MYLK3: variants seen among roughly 807,000 people sequenced by gnomAD.
MYLK3 encodes MLC kinase.
In MYLK3, 55 loss-of-function variants were observed where a neutral mutation model predicts 76.3. The ratio of observed to expected loss-of-function variants is 0.72; its 90% confidence interval spans 0.58 to 0.90. The LOEUF is 0.90. MYLK3 is among the 40% of genes least tolerant of loss of function. MYLK3 has a pLI of 0.00. For synonymous variants in MYLK3, 416 were observed against 425.4 expected (o/e 0.98, Z 0.27); for missense variants, 973 against 1,053.6 (o/e 0.92, Z 1.06).
intron 8 of MYLK3, among the ~76,000 whole-genome samples, chr16:46,723,721 C>A (rs1428463098): frequency 6.7e-6 from 1 of 150,264 alleles, no homozygotes; most frequent in African/African-American, 2.5e-5. Flanking sequence ...CCTGATTCCG[C>A]TCACCGCAAC....
At chr16:46,716,846 A>T (rs1966745498) in intron 9 of MYLK3, among the ~76,000 whole-genome samples, 2 of 151,986 alleles carry the variant, frequency 1.3e-5, no homozygotes, top group African/African-American at 4.8e-5. Flanking sequence ...CCTCCATAAA[A>T]CCCCAAGAGG....
chr16:46,737,552 T>C (rs909117242), intron 3 of MYLK3, among the ~76,000 whole-genome samples, 159 bp downstream of exon 3: 1 of 152,212 alleles, frequency 6.6e-6, no homozygotes, highest in Non-Finnish European at 1.5e-5. Context: ...TGAGCACTGG[T>C]ACTCTAAGCT....
At chr16:46,709,385 A>G (rs1966659025) in intron 12 of MYLK3, among the ~76,000 whole-genome samples, 154 bp downstream of exon 12, 1 of 151,756 alleles carries the variant, frequency 6.6e-6, no homozygotes, top group Non-Finnish European at 1.5e-5. Context: ...TCATGCCACT[A>G]TACTCCAGCC....
At chr16:46,743,523 C>T (rs1367672956) in intron 1 of MYLK3, among the ~76,000 whole-genome samples, 2 of 152,150 alleles carry the variant, frequency 1.3e-5, no homozygotes, top group African/African-American at 2.4e-5. Context: ...AATCAGCAGC[C>T]GACAGCCTGA....
At chr16:46,744,364 T>G (rs36468) in intron 1 of MYLK3, among the ~76,000 whole-genome samples, 34 of 109,538 alleles carry the variant, frequency 3.1e-4, no homozygotes, top group African/African-American at 4.3e-4. Flanking sequence ...TTTAAGATGG[T>G]GTTTTTGCTC....
At chr16:46,744,330 C>CTTTTT (rs71158891) in intron 1 of MYLK3, among the ~76,000 whole-genome samples, 2 of 43,698 alleles carry the variant, frequency 4.6e-5, no homozygotes, top group Non-Finnish European at 3.7e-5. Context: ...CCACACCCAG[C>CTTTTT]TTTTTTTTTT....
At chr16:46,724,181 T>C (rs1966827485) in intron 8 of MYLK3, among the ~76,000 whole-genome samples, 2 of 152,220 alleles carry the variant, frequency 1.3e-5, no homozygotes, top group Non-Finnish European at 2.9e-5. Context: ...TATAAGAGTT[T>C]GTTATATGTT....
At position 46,732,422 on chromosome 16, in the gene MYLK3, C is replaced by T. The variant is rs1417776794; in HGVS notation, c.1248G>A (p.Glu416=). 2 of 1,613,450 alleles carry T rather than the reference C, an allele frequency of 1.2e-6. No homozygotes were observed. The highest frequency in any genetic ancestry group is 1.7e-6 in the Non-Finnish European group (2 of 1,180,028). ...CAGGCTCGGCCCCAGCCCTTTGCTC[C>T]TCCTCTGCCTTCACTCCCCCGGGGC... is the stretch of plus-strand genomic sequence containing the variant. ...SSSPGGVKAE[E]EQRAGAEPGT... Residue 416 remains glutamate, a synonymous_variant, in exon 4 of 13, where the codon GAG becomes GAA. Transcript: ENST00000394809.
chr16:46,713,725 G>T (rs547733619), intron 9 of MYLK3, among the ~76,000 whole-genome samples: 1 of 152,246 alleles, frequency 6.6e-6, no homozygotes, highest in South Asian at 2.1e-4. Context: ...TTTGGCAGAC[G>T]TCTCCCCAGT....
At chr16:46,716,982 T>C (rs1966747017) in intron 9 of MYLK3, among the ~76,000 whole-genome samples, 1 of 152,204 alleles carries the variant, frequency 6.6e-6, no homozygotes, top group Non-Finnish European at 1.5e-5. Context: ...TCTTCACCTG[T>C]ATTCTTTGTA....
chr16:46,738,288 T>C lies in MYLK3; in HGVS notation c.569-145A>G, dbSNP rs1187064659. 3 of 703,496 alleles carry C rather than the reference T, an allele frequency of 4.3e-6. No homozygotes were observed. The Admixed American group carries it at 9.0e-5, about 21-fold the overall frequency. The allele number at this position is 703,496 out of a possible 1,614,324, so 43.6% of individuals were successfully genotyped here. A position where few individuals can be genotyped will look rare whatever the true frequency, so the allele number is the denominator to read the frequency against. On this transcript the variant is annotated intron_variant, in intron 2 of 12. Transcript: ENST00000394809. ...AAGCAACCCAAATGAAAGGGGCTGG[T>C]TGACTAAACCATGATGCATCCAACA... is the stretch of plus-strand genomic sequence containing the variant.
chr16:46,718,147 A>C (rs1966763480), intron 9 of MYLK3, among the ~76,000 whole-genome samples: 1 of 152,140 alleles, frequency 6.6e-6, no homozygotes, highest in African/African-American at 2.4e-5. Context: ...GCATAGGGGG[A>C]CTAGGCAATT....
chr16:46,721,283 T>G (rs1463228993), intron 8 of MYLK3, 90 bp from the exon 9 acceptor site: 8 of 1,253,930 alleles, frequency 6.4e-6, no homozygotes, highest in African/African-American at 1.5e-5. Context: ...TTTTCCAGCC[T>G]TCAAGGGACA....
intron 8 of MYLK3, chr16:46,726,507 G>A (rs925594642): frequency 6.6e-6 from 1 of 151,706 alleles, no homozygotes; most frequent in Non-Finnish European, 1.5e-5. Flanking sequence ...CCAGGCTGCA[G>A]TGAGATATGA....
intron 8 of MYLK3, 30 bp downstream of exon 8, chr16:46,727,206 C>T (rs1182706112): frequency 1.2e-6 from 2 of 1,605,106 alleles, no homozygotes; most frequent in East Asian, 4.5e-5. Context: ...ACACCAGGGG[C>T]CCCTACCGCA....
intron 9 of MYLK3, among the ~76,000 whole-genome samples, chr16:46,716,360 C>CAT (rs996063418): frequency 1.3e-4 from 19 of 149,288 alleles, no homozygotes; most frequent in East Asian, 7.9e-4. Context: ...ATATAGCCCG[C>CAT]ATATATATAT....
In MYLK3 at chr16:46,732,651, T is replaced by C; in HGVS notation, c.1019A>G (p.Gln340Arg). 1 of 1,523,080 alleles carries C rather than the reference T, an allele frequency of 6.6e-7. No homozygotes were observed. The highest frequency in any genetic ancestry group is 8.8e-7 in the Non-Finnish European group (1 of 1,142,212). 94.3% of individuals were successfully genotyped at this position (1,523,080 alleles called of 1,614,324 possible). A position where few individuals can be genotyped will look rare whatever the true frequency, so the allele number is the denominator to read the frequency against. Residue 340 changes from glutamine to arginine, a missense_variant, in exon 4 of 13, where the codon CAA (glutamine) becomes CGA (arginine). By Grantham distance (43) the Gln-to-Arg change is conservative. Transcript: ENST00000394809. Reference sequence around the variant, plus strand: ...CATCTCCCCAGGAGTATCCATCTCTTGTATGTGGATGGAGATCCTGGGGTG... The same window carrying C: ...CATCTCCCCAGGAGTATCCATCTCTCGTATGTGGATGGAGATCCTGGGGTG... Reference protein sequence around the residue: ...ETPPRISIHIQEMDTPGEMLM... With the variant: ...ETPPRISIHIREMDTPGEMLM...
rs1274008528 is a variant in MYLK3 at position 46,705,862 on chromosome 16, C to T, written c.*1842G>A. On this transcript the variant is annotated 3_prime_UTR_variant, in exon 13 of 13. Coordinates refer to ENST00000394809, the MANE Select transcript of MYLK3 (RefSeq NM_182493.3). ...ATTAGCTGGGTGTAGTAGCGGGCAC[C>T]TATGGTCCCAGGTACTCATGATCGC... is the stretch of plus-strand genomic sequence containing the variant. The T allele has an allele frequency of 6.6e-6, 1 of 151,824 alleles. No homozygotes were observed. The highest frequency in any genetic ancestry group is 2.4e-5 in the African/African-American group (1 of 41,272). The allele number at this position is 151,824 out of a possible 1,614,324, so 9.4% of individuals were successfully genotyped here.
At chr16:46,726,729 G>GAAAGAAAGAAAGA (rs1966842970) in intron 8 of MYLK3, 3 of 131,282 alleles carry the variant, frequency 2.3e-5, no homozygotes, top group Admixed American at 8.0e-5. Flanking sequence ...AAGAAAGAAA[G>GAAAGAAAGAAAGA]AAAGAAAAGA....
Sources: allele counts gnomAD v4.1 joint callset (sites outside exome capture counted in the v4.1 genomes callset), GRCh38; gene constraint gnomAD v4.1.1; transcripts MANE v1.5; gene names NCBI Gene and HGNC (gene_info 2026-07-23, HGNC 2026-07-21).